CACNA1C: variants seen among roughly 807,000 people sequenced by gnomAD.
The protein encoded by CACNA1C is calcium voltage-gated channel subunit alpha1 C.
CACNA1C carries 30 observed loss-of-function variants against 229.0 expected under a neutral mutation model. The ratio of observed to expected loss-of-function variants is 0.13; its 90% CI spans 0.10 to 0.18. The LOEUF (loss-of-function observed/expected upper bound fraction) is 0.18, where lower values mean the gene tolerates loss of function less well. Ranked by LOEUF, CACNA1C falls within the 10% of genes least tolerant of loss-of-function variation. The pLI is 1.00. For missense variants in CACNA1C, 1,658 were observed against 2,845.0 expected, an observed-to-expected ratio of 0.58 and a Z score of 9.49; for synonymous variants, 1,114 against 1,132.5, an observed-to-expected ratio of 0.98 and a Z score of 0.33.
chr12:2,293,333 A>G (rs1200361744), intron 3 of CACNA1C, among the ~76,000 whole-genome samples: 1 of 152,230 alleles, frequency 6.6e-6, no homozygotes, highest in Non-Finnish European at 1.5e-5. Flanking sequence ...CATATGGCCA[A>G]TTCTCATCTG....
chr12:2,664,371 T>C (rs777224557), intron 34 of CACNA1C, among the ~76,000 whole-genome samples: 7 of 152,218 alleles, frequency 4.6e-5, no homozygotes, highest in Non-Finnish European at 8.8e-5. Context: ...GCAATTCCAC[T>C]TCTAAGTGGA....
At chr12:2,357,557 G>A (rs957770524) in intron 3 of CACNA1C, among the ~76,000 whole-genome samples, 2 of 151,192 alleles carry the variant, frequency 1.3e-5, no homozygotes, top group Admixed American at 1.3e-4. Flanking sequence ...AGTGAACAAA[G>A]AGGCTAACCA....
chr12:2,564,993 T>A (rs2154593184), intron 11 of CACNA1C, among the ~76,000 whole-genome samples: 1 of 152,300 alleles, frequency 6.6e-6, no homozygotes, highest in Non-Finnish European at 1.5e-5. Context: ...CCTTGCACAG[T>A]GCAGCCATTT....
chr12:2,440,373 C>T (rs575515086), intron 3 of CACNA1C, among the ~76,000 whole-genome samples: 14 of 152,266 alleles, frequency 9.2e-5, no homozygotes, highest in Admixed American at 3.3e-4. Context: ...TGGGATCATA[C>T]GGTATTTGTC....
chr12:2,393,719 C>G (rs879587740), intron 3 of CACNA1C, among the ~76,000 whole-genome samples: 10 of 152,184 alleles, frequency 6.6e-5, no homozygotes, highest in Non-Finnish European at 1.5e-4. Context: ...GGCAGGTACT[C>G]GTTTTCTTAC....
rs1473391410 is a variant in CACNA1C at position 1,971,404 on chromosome 12, G to GA, written c.139+210dup. Among the ~76,000 whole-genome samples, 2 of 151,964 alleles carry GA rather than the reference G, an allele frequency of 1.3e-5. No homozygotes were observed. The highest frequency in any genetic ancestry group is 4.8e-5 in the African/African-American group (2 of 41,358). Reference sequence around the variant, plus strand: ...TGCCGTTCTTTGGAAATTCTCAATTGAAAAAAAGTGATGTTTGAGGCAACA... The same window carrying GA: ...TGCCGTTCTTTGGAAATTCTCAATTGAAAAAAAAGTGATGTTTGAGGCAACA... On this transcript the variant is annotated intron_variant, in intron 1 of 46. Coordinates refer to the CACNA1C transcript ENST00000682462. This position sits in a 1 kb window ranked among gnomAD's most constrained non-coding sequence, Gnocchi z 4.2.
At chr12:2,056,767 A>T (rs758043347) in intron 1 of CACNA1C, among the ~76,000 whole-genome samples, 2 of 152,200 alleles carry the variant, frequency 1.3e-5, no homozygotes, top group Non-Finnish European at 2.9e-5. Flanking sequence ...GGAGTTCATC[A>T]TATTATTCCT....
intron 3 of CACNA1C, among the ~76,000 whole-genome samples, chr12:2,338,815 G>A (rs2096778363): frequency 6.6e-6 from 1 of 152,004 alleles, no homozygotes; most frequent in Admixed American, 6.6e-5. Context: ...GGAAATGAAG[G>A]GAACTTCTTT....
At chr12:2,583,491 G>C (rs2061347604) in intron 15 of CACNA1C, among the ~76,000 whole-genome samples, 1 of 152,204 alleles carries the variant, frequency 6.6e-6, no homozygotes, top group Non-Finnish European at 1.5e-5. Flanking sequence ...CAGGGCACAA[G>C]CCACGGGTGC....
intron 5 of CACNA1C, among the ~76,000 whole-genome samples, chr12:2,459,530 G>A (rs1400912447): frequency 6.6e-6 from 1 of 152,174 alleles, no homozygotes; most frequent in African/African-American, 2.4e-5. Flanking sequence ...ACGCAGAGCT[G>A]AGCACACAAG....
chr12:2,630,287 C>T lies in CACNA1C; in HGVS notation c.3829-4010C>T, dbSNP rs2089744255. ...TTCCCACCCTCCCTTCTCCATTACA[C>T]CCTTAAAACCCCTATTACTAATGGT... On this transcript the variant is annotated intron_variant, in intron 29 of 46. Coordinates refer to ENST00000399655, the MANE Select transcript of CACNA1C (RefSeq NM_000719.7). The surrounding 1 kb of genome is among the most constrained non-coding windows in gnomAD (Gnocchi z 5.4). 6.6e-6 allele frequency among the ~76,000 whole-genome samples: 1 copy of T among 152,140 alleles called. No individual in the cohort carries two copies. Among genetic ancestry groups the T allele is most frequent in the Admixed American group, 6.5e-5 (1 of 15,274 alleles).
chr12:2,665,536 G>A lies in CACNA1C; in HGVS notation c.4399-45G>A. The A allele has an allele frequency of 6.2e-7, 1 of 1,606,698 alleles. No individual in the cohort carries two copies. The highest frequency in any genetic ancestry group is 8.5e-7 in the Non-Finnish European group (1 of 1,175,592). ...GCAAGGGGGTTCCAGAGGCAGGTGT[G>A]TAGGAAGGTCTTCTCACAGCACCTC... On this transcript the variant is annotated intron_variant, in intron 35 of 46. Coordinates refer to ENST00000399655, the MANE Select transcript of CACNA1C (RefSeq NM_000719.7). The surrounding 1 kb of genome is among the most constrained non-coding windows in gnomAD (Gnocchi z 5.9).
chr12:2,612,546 A>G (rs2078348760), intron 29 of CACNA1C: 1 of 152,772 alleles, frequency 6.5e-6, no homozygotes, highest in South Asian at 2.1e-4. Flanking sequence ...TTCCCTGCCT[A>G]AGAGGCTATG....
intron 3 of CACNA1C, among the ~76,000 whole-genome samples, chr12:2,173,836 C>T (rs2096566466): frequency 6.6e-6 from 1 of 152,086 alleles, no homozygotes; most frequent in East Asian, 1.9e-4. Flanking sequence ...AAAGTAGGCA[C>T]CAGATGTGTC....
At chr12:2,471,754 C>A (rs574624128) in intron 5 of CACNA1C, among the ~76,000 whole-genome samples, 1 of 152,262 alleles carries the variant, frequency 6.6e-6, no homozygotes, top group African/African-American at 2.4e-5. Context: ...ACAATCTTGG[C>A]TCACTGTAAC....
At chr12:2,474,819 A>C (rs2099615689) in intron 5 of CACNA1C, among the ~76,000 whole-genome samples, 1 of 151,968 alleles carries the variant, frequency 6.6e-6, no homozygotes, top group Non-Finnish European at 1.5e-5. Context: ...TTTTTCTTTC[A>C]GAATTGGCAG....
In CACNA1C at chr12:2,676,964, G is replaced by A. The variant is rs910197067; in HGVS notation, c.4829-130G>A. On this transcript the variant is annotated intron_variant, in intron 39 of 46. Transcript: ENST00000399655. ...TTTTTTTTCTCTCTTTTTAAGCCAT[G>A]TGAATGTATTACCTCTCCAAAAATA... The A allele has an allele frequency of 1.6e-5, 11 of 700,514 alleles. No individual in the cohort carries two copies. In the African/African-American group the frequency reaches 1.6e-4, roughly 10 times the overall value. The allele number at this position is 700,514 out of a possible 1,614,324, so 43.4% of individuals were successfully genotyped here.
chr12:2,624,161 G>A (rs1308119308), intron 29 of CACNA1C, among the ~76,000 whole-genome samples: 2 of 152,138 alleles, frequency 1.3e-5, no homozygotes, highest in South Asian at 2.1e-4. Context: ...TTTTTGTAAC[G>A]CCGATGAACA....
intron 1 of CACNA1C, among the ~76,000 whole-genome samples, chr12:2,006,144 TCC>T (rs1491096316): frequency 2.6e-5 from 4 of 152,206 alleles, no homozygotes; most frequent in African/African-American, 9.6e-5. Flanking sequence ...GTGCGGTGGC[TCC>T]TGCCTGTAAT....
Sources: allele counts gnomAD v4.1 joint callset (sites outside exome capture counted in the v4.1 genomes callset), GRCh38; gene constraint gnomAD v4.1.1; non-coding constraint Gnocchi (gnomAD v3.1); transcripts MANE v1.5; gene names NCBI Gene and HGNC (gene_info 2026-07-23, HGNC 2026-07-21).